PSMG1: variants seen among roughly 807,000 people sequenced by gnomAD.
PSMG1 encodes the protein proteasome assembly chaperone 1, also known as Down syndrome critical region gene 2.
PSMG1 carries 23 observed loss-of-function variants against 37.2 expected under a neutral mutation model. That is an observed-to-expected ratio of 0.62 (90% CI 0.44 to 0.88). PSMG1 has a LOEUF of 0.88. PSMG1 is among the 40% of genes least tolerant of loss of function. The pLI, the probability that PSMG1 is intolerant of heterozygous loss-of-function variation, is 0.00. For missense variants in PSMG1, 340 were observed against 344.2 expected, an observed-to-expected ratio of 0.99 and a Z score of 0.10; for synonymous variants, 127 against 128.0, an observed-to-expected ratio of 0.99 and a Z score of 0.05.
chr21:39,183,378 G>T lies in PSMG1; in HGVS notation c.8C>A (p.Ala3Asp). Residue 3 changes from alanine (A) to aspartate (D), a missense_variant, in exon 1 of 7, where the codon GCC (alanine) becomes GAC (aspartate). Coordinates refer to ENST00000331573, the MANE Select transcript of PSMG1 (RefSeq NM_003720.4). MA[A>D]TFFGEVVKAP... ...CTTCACCACCTCTCCGAAGAACGTG[G>T]CCGCCATAGCCGCCCCGTGACCGGC... 6.4e-7 allele frequency: 1 copy of T among 1,572,792 alleles called. No homozygotes were observed. The highest frequency in any genetic ancestry group is 8.6e-7 in the Non-Finnish European group (1 of 1,163,986).
chr21:39,182,256 A>G (rs11909263), intron 1 of PSMG1, among the ~76,000 whole-genome samples: 2,316 of 152,318 alleles, frequency 0.015, 55 homozygotes, highest in African/African-American at 0.053. Flanking sequence ...TTCATTTTAC[A>G]GGACATGCAG....
chr21:39,183,460 C>T, upstream of PSMG1: 2 of 1,474,734 alleles, frequency 1.4e-6, no homozygotes, highest in East Asian at 2.7e-5. Flanking sequence ...ACCACGCTCC[C>T]TCACCGCGCG....
Position 39,179,947 on chromosome 21 carries a change from G to T in PSMG1, c.433C>A (p.Gln145Lys). 1 of 1,612,986 alleles carries T rather than the reference G, an allele frequency of 6.2e-7. No homozygotes were observed. Among genetic ancestry groups the T allele is most frequent in the Non-Finnish European group, 8.5e-7 (1 of 1,179,912 alleles). Residue 145 changes from glutamine (Q) to lysine (K), a missense_variant, in exon 4 of 7, where the codon CAA (glutamine) becomes AAA (lysine). Coordinates refer to ENST00000331573, the MANE Select transcript of PSMG1 (RefSeq NM_003720.4). The part of the protein sequence containing the change: ...CQCSCYVAED[Q>K]QYQWLEKVFG... ...ACCTTTTCCAGCCACTGATACTGTT[G>T]ATCTTCTGCAACATAGCAACTGCAC...
At chr21:39,180,559 C>T in intron 2 of PSMG1, 123 bp from the exon 3 acceptor site, 1 of 921,488 alleles carries the variant, frequency 1.1e-6, no homozygotes, top group Non-Finnish European at 1.5e-6. Flanking sequence ...AGACCGTCTA[C>T]CTAATACCAC....
chr21:39,180,041 C>T, intron 3 of PSMG1, 55 bp from the exon 4 acceptor site: 1 of 1,537,626 alleles, frequency 6.5e-7, no homozygotes, highest in Non-Finnish European at 9.0e-7. Flanking sequence ...ACACCACAAA[C>T]TATCACCATA....
intron 6 of PSMG1, among the ~76,000 whole-genome samples, chr21:39,176,952 C>A (rs1333819478): frequency 6.6e-6 from 1 of 152,136 alleles, no homozygotes; most frequent in African/African-American, 2.4e-5. Context: ...GTACGTGTTC[C>A]AATTTTTTTA....
chr21:39,180,441 A>T lies in PSMG1; in HGVS notation c.242-5T>A. ...TAACAAATGATGACAGAAATGCTGT[A>T]AAAAACAATTCACATAAGTTAGTGT... On this transcript the variant is annotated splice_polypyrimidine_tract_variant and splice_region_variant and intron_variant, in intron 2 of 6. Transcript: ENST00000331573. 1 of 1,576,794 alleles carries T rather than the reference A, an allele frequency of 6.3e-7. No homozygotes were observed. Among genetic ancestry groups the T allele is most frequent in the Non-Finnish European group, 8.6e-7 (1 of 1,162,116 alleles).
chr21:39,176,118 C>A (rs1449134524), intron 6 of PSMG1, among the ~76,000 whole-genome samples: 1 of 152,208 alleles, frequency 6.6e-6, no homozygotes, highest in Non-Finnish European at 1.5e-5. Context: ...GAAAATACCA[C>A]TTTTAAAAGG....
chr21:39,183,501 C>G, upstream of PSMG1: 3 of 1,297,780 alleles, frequency 2.3e-6, no homozygotes, highest in Non-Finnish European at 3.0e-6. Context: ...ACAGGCCACG[C>G]CCTCCGCGCA....
chr21:39,183,294 G>A lies in PSMG1; in HGVS notation c.92C>T (p.Thr31Met), dbSNP rs940866544. Residue 31 changes from threonine to methionine, a missense_variant, in exon 1 of 7, where the codon ACG becomes ATG. Thr to Met is a moderately conservative substitution (Grantham distance 81, BLOSUM62 -1). Coordinates refer to ENST00000331573, the MANE Select transcript of PSMG1 (RefSeq NM_003720.4). ...EEEEEEGRRE[T>M]PEDREVRLQL... ...CAGACGCACCTCCCTGTCCTCGGGC[G>A]TCTCCCTCCGCCCCTCCTCCTCCTC... 2 of 1,585,826 alleles carry A rather than the reference G, an allele frequency of 1.3e-6. No individual in the cohort carries two copies. Among genetic ancestry groups the A allele is most frequent in the South Asian group, 1.1e-5 (1 of 87,230 alleles).
intron 6 of PSMG1, 33 bp downstream of exon 6, chr21:39,177,402 G>A (rs373072161): frequency 8.5e-6 from 13 of 1,524,282 alleles, no homozygotes; most frequent in Non-Finnish European, 1.1e-5. Context: ...TTATAACAAT[G>A]CAGCTATTAA....
At position 39,178,232 on chromosome 21, in the gene PSMG1, C is replaced by T. The variant is rs370502452; in HGVS notation, c.655+217G>A. 6.6e-5 allele frequency among the ~76,000 whole-genome samples: 10 copies of T among 152,296 alleles called. No homozygotes were observed. In the East Asian group the frequency reaches 1.2e-3, roughly 18 times the overall value. ...GAAACACAGCATGTCTGAAGCCCAACAGTTAAGAAACATGAGCTCCTCAAA... is the reference window on the plus strand; with the variant it reads ...GAAACACAGCATGTCTGAAGCCCAATAGTTAAGAAACATGAGCTCCTCAAA... On this transcript the variant is annotated intron_variant, in intron 5 of 6. Transcript: ENST00000331573.
rs750980554 is a variant in PSMG1 at position 39,178,575 on chromosome 21, T to G, written c.529A>C (p.Thr177Pro). The G allele has an allele frequency of 6.2e-7, 1 of 1,614,016 alleles. No homozygotes were observed. The highest frequency in any genetic ancestry group is 1.1e-5 in the South Asian group (1 of 91,068). ...GGAAGGCTGCCGGTGGATTCTGAGGTTTTATAATCGGTAACATGTCGACAT... is the reference window on the plus strand; with the variant it reads ...GGAAGGCTGCCGGTGGATTCTGAGGGTTTATAATCGGTAACATGTCGACAT... ...LTCRHVTDYK[T>P]SESTGSLPSP... The change falls in exon 5 of 7, where the codon ACC (threonine) becomes CCC (proline). Residue 177 changes from threonine to proline, a missense_variant. Coordinates refer to ENST00000331573, the MANE Select transcript of PSMG1 (RefSeq NM_003720.4).
chr21:39,175,785 G>T, intron 6 of PSMG1, 121 bp from the exon 7 acceptor site: 1 of 677,576 alleles, frequency 1.5e-6, no homozygotes, highest in Non-Finnish European at 2.6e-6. Flanking sequence ...TGGGACAGGC[G>T]TGGCCTTTAC....
chr21:39,177,091 C>T (rs1478505866), intron 6 of PSMG1, among the ~76,000 whole-genome samples: 1 of 152,078 alleles, frequency 6.6e-6, no homozygotes, highest in Non-Finnish European at 1.5e-5. Context: ...CCACACTATA[C>T]TCAAAAATAA....
At chr21:39,179,019 C>T (rs1325823179) in intron 4 of PSMG1, among the ~76,000 whole-genome samples, 4 of 152,112 alleles carry the variant, frequency 2.6e-5, no homozygotes, top group Admixed American at 1.3e-4. Context: ...GTTGGTGATA[C>T]GTGACTTCTC....
In PSMG1 at chr21:39,177,531, C is replaced by T. The variant is rs749786489; in HGVS notation, c.696G>A (p.Leu232=). Residue 232 remains leucine (L), a synonymous_variant, in exon 6 of 7, where the codon CTG becomes CTA. Transcript: ENST00000331573. ...YCQVWKIPAI[L]YLCYTDVMKL... is the part of the protein sequence containing the mutation. ...TCATCACATCAGTATAACACAAGTA[C>T]AGAATTGCTGGGATTTTCCATACTT... 1.3e-6 allele frequency: 2 copies of T among 1,599,214 alleles called. No homozygotes were observed. The highest frequency in any genetic ancestry group is 1.1e-5 in the South Asian group (1 of 88,264).
At chr21:39,178,409 C>T (rs2146406907) in intron 5 of PSMG1, 40 bp downstream of exon 5, 2 of 1,547,734 alleles carry the variant, frequency 1.3e-6, no homozygotes, top group East Asian at 4.5e-5. Context: ...ATCAATAAAG[C>T]AATAAGATAG....
intron 5 of PSMG1, among the ~76,000 whole-genome samples, chr21:39,178,063 G>A (rs932622781): frequency 4.6e-5 from 7 of 151,996 alleles, no homozygotes; most frequent in East Asian, 3.9e-4. Context: ...TGTGTGTGAT[G>A]GTAATAAAAA....
Sources: allele counts gnomAD v4.1 joint callset (sites outside exome capture counted in the v4.1 genomes callset), GRCh38; gene constraint gnomAD v4.1.1; transcripts MANE v1.5; gene names NCBI Gene and HGNC (gene_info 2026-07-23, HGNC 2026-07-21).